FTO: variants seen among roughly 807,000 people sequenced by gnomAD.
The protein encoded by FTO is FTO alpha-ketoglutarate dependent dioxygenase.
In FTO, 47 loss-of-function variants were observed where a neutral mutation model predicts 63.9. The observed-to-expected ratio is 0.74, with a 90% CI of 0.58 to 0.94. The LOEUF (loss-of-function observed/expected upper bound fraction) is 0.94. Ranked by LOEUF, FTO falls within the 40% of genes least tolerant of loss-of-function variation. The pLI is 0.00. For missense variants in FTO, 562 were observed against 618.1 expected (o/e 0.91, Z 0.96); for synonymous variants, 207 against 224.4 (o/e 0.92, Z 0.69).
intron 3 of FTO, among the ~76,000 whole-genome samples, chr16:53,836,518 G>T (rs2079298061): frequency 1.3e-5 from 2 of 152,310 alleles, no homozygotes; most frequent in South Asian, 4.1e-4. Flanking sequence ...AGTATTTGTT[G>T]TTCTTGAGGA....
At chr16:53,910,442 T>A (rs536313604) in intron 7 of FTO, among the ~76,000 whole-genome samples, 8 of 152,138 alleles carry the variant, frequency 5.3e-5, no homozygotes, top group African/African-American at 1.9e-4. Context: ...GCTGGAGGCA[T>A]GGGGACCTGC....
chr16:53,995,534 G>A (rs1252678831), intron 8 of FTO, among the ~76,000 whole-genome samples: 2 of 152,196 alleles, frequency 1.3e-5, no homozygotes, highest in African/African-American at 2.4e-5. Context: ...TGGTTTCACA[G>A]CCAGGTACCC....
intron 7 of FTO, chr16:53,911,147 C>T (rs1567427696): frequency 2.0e-6 from 1 of 507,102 alleles, no homozygotes; most frequent in African/African-American, 1.9e-5. Context: ...TATCATGTGC[C>T]AGGCAGTGTT....
At chr16:53,824,326 C>T (rs1348330375) in intron 2 of FTO, among the ~76,000 whole-genome samples, 2 of 152,104 alleles carry the variant, frequency 1.3e-5, no homozygotes, top group African/African-American at 2.4e-5. Context: ...TGGTCTTTTT[C>T]CTGAGTGCCT....
chr16:54,061,305 G>T (rs1190628171), intron 8 of FTO, among the ~76,000 whole-genome samples: 1 of 152,152 alleles, frequency 6.6e-6, no homozygotes, highest in Non-Finnish European at 1.5e-5. Flanking sequence ...CCATTGTACA[G>T]TGTTATTAAT....
chr16:54,013,492 A>G (rs1180483985), intron 8 of FTO: 1 of 152,206 alleles, frequency 6.6e-6, no homozygotes, highest in Non-Finnish European at 1.5e-5. Context: ...ATTGACTCCA[A>G]TTTTGCAAGA....
chr16:53,993,177 G>A (rs762009515), intron 8 of FTO: 1 of 152,156 alleles, frequency 6.6e-6, no homozygotes, highest in Non-Finnish European at 1.5e-5. Context: ...TGATTTTAAT[G>A]GGTACTGCTT....
intron 4 of FTO, among the ~76,000 whole-genome samples, chr16:53,857,972 C>T (rs2080056253): frequency 6.7e-6 from 1 of 150,366 alleles, no homozygotes; most frequent in Non-Finnish European, 1.5e-5. Flanking sequence ...GATAAGAAAA[C>T]AATGCTCAAA....
chr16:53,717,208 AG>A (rs1005018519), intron 1 of FTO, among the ~76,000 whole-genome samples: 10 of 152,066 alleles, frequency 6.6e-5, no homozygotes, highest in African/African-American at 2.2e-4. Flanking sequence ...CTCATTGTCA[AG>A]TTGCCACCTG....
chr16:53,956,106 A>G (rs1447688660), intron 8 of FTO, among the ~76,000 whole-genome samples: 1 of 152,218 alleles, frequency 6.6e-6, no homozygotes, highest in Non-Finnish European at 1.5e-5. Flanking sequence ...TTTCATCCCC[A>G]TGTTATAGAT....
chr16:53,809,875 AT>A (rs1286074511), intron 1 of FTO, among the ~76,000 whole-genome samples: 1 of 152,050 alleles, frequency 6.6e-6, no homozygotes, highest in East Asian at 1.9e-4. Context: ...CAGGAGTTTG[AT>A]GTTATAGTGA....
At chr16:54,046,963 A>G (rs1413581405) in intron 8 of FTO, among the ~76,000 whole-genome samples, 6 of 137,640 alleles carry the variant, frequency 4.4e-5, no homozygotes, top group African/African-American at 1.4e-4. Flanking sequence ...AATCAATTCA[A>G]GATGGATTAA....
At chr16:54,029,746 G>T (rs1274301429) in intron 8 of FTO, among the ~76,000 whole-genome samples, 1 of 152,138 alleles carries the variant, frequency 6.6e-6, no homozygotes, top group Non-Finnish European at 1.5e-5. Context: ...CGGGGAGAAT[G>T]ATATTTACTG....
At chr16:53,962,414 T>C (rs1034699934) in intron 8 of FTO, among the ~76,000 whole-genome samples, 1 of 152,070 alleles carries the variant, frequency 6.6e-6, no homozygotes, top group African/African-American at 2.4e-5. Flanking sequence ...GGGACATACA[T>C]CTCTAGAACC....
chr16:53,723,311 A>G (rs750051483), intron 1 of FTO, among the ~76,000 whole-genome samples: 4 of 152,204 alleles, frequency 2.6e-5, no homozygotes, highest in Admixed American at 6.5e-5. Flanking sequence ...ATTGGATTCA[A>G]ATGATATAGT....
intron 8 of FTO, chr16:53,981,817 A>C (rs1403917012): frequency 6.5e-6 from 1 of 152,904 alleles, no homozygotes; most frequent in Non-Finnish European, 1.5e-5. Context: ...AGGCTGAGGC[A>C]GAAGAATCGC....
intron 3 of FTO, among the ~76,000 whole-genome samples, chr16:53,839,160 C>G (rs1276375747): frequency 6.6e-6 from 1 of 152,152 alleles, no homozygotes; most frequent in Non-Finnish European, 1.5e-5. Context: ...ACAATTTAAA[C>G]TTGACTTTTA....
At chr16:53,920,018 AG>A (rs1370400551) in intron 7 of FTO, among the ~76,000 whole-genome samples, 1 of 152,196 alleles carries the variant, frequency 6.6e-6, no homozygotes, top group African/African-American at 2.4e-5. Context: ...AATGGGGGAA[AG>A]AGAGGAATAA....
At chr16:53,951,395 A>G (rs930752694) in intron 8 of FTO, among the ~76,000 whole-genome samples, 2 of 152,114 alleles carry the variant, frequency 1.3e-5, no homozygotes, top group Non-Finnish European at 2.9e-5. Flanking sequence ...AAGGCTGTGT[A>G]TTGTCCATGT....
Sources: gnomAD v4.1 joint callset for allele counts (sites outside exome capture counted in the v4.1 genomes callset) on GRCh38, gnomAD v4.1.1 for gene constraint, MANE v1.5 for transcripts, NCBI Gene and HGNC (gene_info 2026-07-23, HGNC 2026-07-21) for gene names.